The following PDZK1 variants were observed in gnomAD, a reference collection of about 807,000 sequenced individuals.
The protein encoded by PDZK1 is Na(+)/H(+) exchange regulatory cofactor NHE-RF3.
Under a neutral mutation model 38.1 loss-of-function variants are expected in PDZK1, and 23 were observed. The observed-to-expected ratio is 0.60, with a 90% CI of 0.43 to 0.85. The LOEUF (loss-of-function observed/expected upper bound fraction) is 0.85. PDZK1 is among the 40% of genes least tolerant of loss of function. The pLI is 0.00. For synonymous variants in PDZK1, 98 were observed against 186.2 expected (o/e 0.53, Z 3.86); for missense variants, 297 against 504.3 (o/e 0.59, Z 3.94).
Position 145,682,566 on chromosome 1 carries a change from A to G in PDZK1, c.531T>C (p.Asp177=), listed in dbSNP as rs373246840. 12 of 1,611,234 alleles carry G rather than the reference A, an allele frequency of 7.4e-6. No homozygotes were observed. Among genetic ancestry groups the G allele is most frequent in the Non-Finnish European group, 9.3e-6 (11 of 1,179,684 alleles). ...CTCCATTCACTTCAATCAAGTGATC[A>G]TCAGCCAGAACTCCAGCTCTCATAG... ...GVAMRAGVLA[D]DHLIEVNGEN... The change falls in exon 4 of 9, where the codon GAT becomes GAC. Residue 177 remains aspartate (D), a synonymous_variant. Transcript: ENST00000417171.
chr1:145,693,804 ACTC>A (rs1470474963), intron 1 of PDZK1, among the ~76,000 whole-genome samples: 16 of 148,874 alleles, frequency 1.1e-4, no homozygotes, highest in South Asian at 2.1e-4. Context: ...GGCTGCCTCG[ACTC>A]CTCCTGTCTC....
chr1:145,672,431 T>C (rs1653164556), intron 8 of PDZK1, among the ~76,000 whole-genome samples: 1 of 150,646 alleles, frequency 6.6e-6, no homozygotes, highest in Admixed American at 6.6e-5. Context: ...AGAATTCATA[T>C]CTAGATCATC....
At chr1:145,700,257 G>C (rs1005452602) in intron 1 of PDZK1, among the ~76,000 whole-genome samples, 7 of 152,190 alleles carry the variant, frequency 4.6e-5, no homozygotes, top group Middle Eastern at 6.8e-3. Context: ...AATAAACTCT[G>C]GACTCAAAAG....
chr1:145,693,212 G>A (rs929929023), intron 1 of PDZK1, among the ~76,000 whole-genome samples: 2 of 152,154 alleles, frequency 1.3e-5, no homozygotes, highest in Admixed American at 1.3e-4. Flanking sequence ...TCTCATCTGA[G>A]TGAGCAGAAG....
intron 1 of PDZK1, among the ~76,000 whole-genome samples, chr1:145,689,266 A>T (rs782694325): frequency 6.6e-6 from 1 of 152,148 alleles, no homozygotes; most frequent in Non-Finnish European, 1.5e-5. Context: ...TTTTTTAGAG[A>T]CAGTGTCTTG....
intron 1 of PDZK1, among the ~76,000 whole-genome samples, chr1:145,702,400 A>T (rs1474557103): frequency 2.0e-5 from 3 of 152,038 alleles, no homozygotes; most frequent in Non-Finnish European, 2.9e-5. Context: ...GCTGATAGAC[A>T]GCTCAACCGC....
intron 1 of PDZK1, among the ~76,000 whole-genome samples, chr1:145,701,191 C>T (rs1018168770): frequency 1.3e-5 from 2 of 150,600 alleles, no homozygotes; most frequent in Non-Finnish European, 1.5e-5. Flanking sequence ...GGCAACAGAG[C>T]GAGACTCCAT....
chr1:145,680,095 C>T (rs1418691427), intron 5 of PDZK1, among the ~76,000 whole-genome samples: 2 of 152,062 alleles, frequency 1.3e-5, no homozygotes, highest in Non-Finnish European at 1.5e-5. Context: ...CTTACTCTAA[C>T]GTTGAATTAT....
chr1:145,697,440 T>C (rs932880415), intron 1 of PDZK1, among the ~76,000 whole-genome samples: 2 of 152,050 alleles, frequency 1.3e-5, no homozygotes, highest in Non-Finnish European at 2.9e-5. Flanking sequence ...TCATCAAAAC[T>C]AAAAGAAGAA....
intron 1 of PDZK1, among the ~76,000 whole-genome samples, chr1:145,688,274 C>T (rs1654968957): frequency 6.6e-6 from 1 of 152,146 alleles, no homozygotes; most frequent in African/African-American, 2.4e-5. Flanking sequence ...GACACAGATG[C>T]TTCCATTTCA....
At position 145,701,152 on chromosome 1, in the gene PDZK1, C is replaced by T. The variant is rs371355483; in HGVS notation, c.-3+6165G>A. Among the ~76,000 whole-genome samples the T allele has an allele frequency of 1.5e-4, 23 of 151,860 alleles. 1 individual carries two copies. Among genetic ancestry groups the T allele is most frequent in the East Asian group, 3.9e-4 (2 of 5,158 alleles). The stretch of plus-strand genomic sequence containing the variant: ...CCCAGGAGGTGGAGGTTGCAGTGAG[C>T]CAAGATAGTACCACTGCACTCCAAC... On this transcript the variant is annotated intron_variant, in intron 1 of 8. Transcript: ENST00000417171.
chr1:145,681,201 G>A (rs1448034827), intron 4 of PDZK1, 94 bp from the exon 5 acceptor site: 13 of 410,364 alleles, frequency 3.2e-5, no homozygotes, highest in Non-Finnish European at 5.6e-5. Context: ...ACAGTCTCTA[G>A]GTTCAACAAA....
intron 4 of PDZK1, among the ~76,000 whole-genome samples, chr1:145,681,924 C>T (rs1302145434): frequency 2.1e-5 from 1 of 48,714 alleles, no homozygotes; most frequent in Non-Finnish European, 3.6e-5. Flanking sequence ...AATCCCAGCA[C>T]TTTGGGAGGC....
At chr1:145,679,114 G>A (rs1351066447) in intron 5 of PDZK1, among the ~76,000 whole-genome samples, 1 of 151,282 alleles carries the variant, frequency 6.6e-6, no homozygotes, top group African/African-American at 2.4e-5. Context: ...GAATATATTT[G>A]TATATACATG....
intron 1 of PDZK1, among the ~76,000 whole-genome samples, chr1:145,703,393 G>A (rs1380412393): frequency 6.6e-6 from 1 of 152,028 alleles, no homozygotes; most frequent in Non-Finnish European, 1.5e-5. Flanking sequence ...TATATTTATT[G>A]AGCTCCCTAC....
rs1288329286 is a variant in PDZK1, at chr1:145,676,724, CA to C, written c.990+1724del. 8.7e-3 allele frequency among the ~76,000 whole-genome samples: 685 copies of C among 79,024 alleles called. 3 individuals carry two copies. Among genetic ancestry groups the C allele is most frequent in the South Asian group, 0.029 (74 of 2,552 alleles). The allele number at this position is 79,024 out of a possible 152,430, so 51.8% of individuals were successfully genotyped here. ...CTGGTGACAGAGCAAGACAACGTCT[CA>C]AAAAAAAAAAAAAAAAGTGTGCTCC... is the stretch of plus-strand genomic sequence containing the variant. On this transcript the variant is annotated intron_variant, in intron 6 of 8. Coordinates refer to ENST00000417171, the MANE Select transcript of PDZK1 (RefSeq NM_001201325.2).
chr1:145,702,579 T>TAAA (rs1488825721), intron 1 of PDZK1, among the ~76,000 whole-genome samples: 1 of 151,900 alleles, frequency 6.6e-6, no homozygotes, highest in East Asian at 1.9e-4. Flanking sequence ...ATCTCAAAAA[T>TAAA]AATAATAATA....
At chr1:145,686,804 A>G (rs1238385517) in intron 2 of PDZK1, 78 bp from the exon 3 acceptor site, 1 of 691,558 alleles carries the variant, frequency 1.4e-6, no homozygotes, top group Non-Finnish European at 2.4e-6. Flanking sequence ...ATCTGGCTCA[A>G]TATCTGGCCC....
chr1:145,706,346 T>A (rs1463891004), intron 1 of PDZK1, among the ~76,000 whole-genome samples: 1 of 152,194 alleles, frequency 6.6e-6, no homozygotes, highest in Non-Finnish European at 1.5e-5. Flanking sequence ...CACAAGTTAC[T>A]ATCATAACAC....
Sources: gnomAD v4.1 joint callset for allele counts (sites outside exome capture counted in the v4.1 genomes callset) on GRCh38, gnomAD v4.1.1 for gene constraint, MANE v1.5 for transcripts, NCBI Gene and HGNC (gene_info 2026-07-23, HGNC 2026-07-21) for gene names.